DOCK3: variants seen among roughly 807,000 people sequenced by gnomAD.
DOCK3 encodes dedicator of cytokinesis 3, also known as dedicator of cytokinesis protein 3.
Under a neutral mutation model 265.6 loss-of-function variants are expected in DOCK3, and 60 were observed. The ratio of observed to expected loss-of-function variants is 0.23; its 90% CI spans 0.18 to 0.28. DOCK3 has a LOEUF of 0.28. Ranked by LOEUF, DOCK3 falls within the 10% of genes least tolerant of loss-of-function variation. The pLI, the probability that DOCK3 is intolerant of heterozygous loss-of-function variation, is 1.00. For synonymous variants in DOCK3, 881 were observed against 938.0 expected (o/e 0.94, Z 1.11); for missense variants, 1,981 against 2,594.3 (o/e 0.76, Z 5.14).
intron 4 of DOCK3, among the ~76,000 whole-genome samples, chr3:50,906,207 T>C (rs2049487026): frequency 6.6e-6 from 1 of 152,120 alleles, no homozygotes; most frequent in Non-Finnish European, 1.5e-5. Flanking sequence ...TCATCAGGAA[T>C]ATTGGTCTAA....
chr3:50,731,023 T>C (rs1384451756), intron 1 of DOCK3, among the ~76,000 whole-genome samples: 3 of 151,124 alleles, frequency 2.0e-5, no homozygotes, highest in East Asian at 3.9e-4. Context: ...TCCCAGCTAC[T>C]TGGGAGGCTG....
intron 5 of DOCK3, among the ~76,000 whole-genome samples, chr3:50,978,039 C>A (rs1457868695): frequency 2.0e-5 from 3 of 151,900 alleles, no homozygotes; most frequent in African/African-American, 4.8e-5. Context: ...CTAGTTATAC[C>A]TTCTTCTAAA....
intron 3 of DOCK3, among the ~76,000 whole-genome samples, chr3:50,884,087 ATTC>A (rs761267024): frequency 1.9e-4 from 28 of 147,502 alleles, no homozygotes; most frequent in Non-Finnish European, 2.7e-4. Flanking sequence ...AGTATATACC[ATTC>A]TTTTTTTTTT....
chr3:51,072,872 ATT>A (rs748566865), intron 6 of DOCK3, among the ~76,000 whole-genome samples: 159 of 138,678 alleles, frequency 1.1e-3, no homozygotes, highest in African/African-American at 2.8e-3. Flanking sequence ...AACCTGGCTA[ATT>A]TTTTTTTTTT....
At position 50,877,956 on chromosome 3, in the gene DOCK3, C is replaced by T. The variant is rs564868046; in HGVS notation, c.163-12070C>T. Among the ~76,000 whole-genome samples, 344 of 152,296 alleles carry T rather than the reference C, an allele frequency of 2.3e-3. 2 individuals carry two copies. The highest frequency in any genetic ancestry group is 5.2e-3 in the South Asian group (25 of 4,822). ...GGAAGGATCAGGCAGCAACATTTGC[C>T]GTTCTGCAATATTTGCTGTTCTGCA... On this transcript the variant is annotated intron_variant, in intron 3 of 52. Transcript: ENST00000266037.
Position 51,341,243 on chromosome 3 carries a change from C to T in DOCK3, c.3773C>T (p.Ala1258Val). 1 of 1,580,570 alleles carries T rather than the reference C, an allele frequency of 6.3e-7. No individual in the cohort carries two copies. The highest frequency in any genetic ancestry group is 8.6e-7 in the Non-Finnish European group (1 of 1,162,720). ...ATGCTGTCTGTCCCCACAGAGGCCG[C>T]ATTTACCCTGCTCCTTTACTGTGAG... is the stretch of plus-strand genomic sequence containing the variant. ...HLQAENYTEA[A>V]FTLLLYCELL... Residue 1258 changes from alanine to valine, a missense_variant, in exon 38 of 53, where the codon GCA becomes GTA. Physicochemically the swap from Ala to Val is moderately conservative, Grantham distance 64. Transcript: ENST00000266037.
intron 5 of DOCK3, among the ~76,000 whole-genome samples, chr3:50,985,849 A>C (rs924011654): frequency 5.9e-5 from 9 of 151,760 alleles, no homozygotes; most frequent in South Asian, 4.1e-4. Flanking sequence ...AAATTAAATA[A>C]ATTTATTTAA....
intron 5 of DOCK3, among the ~76,000 whole-genome samples, chr3:51,041,755 CAGAT>C (rs1407731253): frequency 6.6e-6 from 1 of 152,150 alleles, no homozygotes; most frequent in Non-Finnish European, 1.5e-5. Context: ...TAGCTGTAAA[CAGAT>C]AGGCTGTCAT....
intron 1 of DOCK3, among the ~76,000 whole-genome samples, chr3:50,686,908 C>CAG (rs2034858023): frequency 2.2e-5 from 2 of 90,720 alleles, no homozygotes; most frequent in African/African-American, 4.8e-5. Context: ...GACTCCATCT[C>CAG]AAAAAAAAAA....
In DOCK3 at chr3:51,374,087, G is replaced by GT. The variant is rs2087897941; in HGVS notation, c.5294-380dup. 1.3e-5 allele frequency among the ~76,000 whole-genome samples: 2 copies of GT among 152,192 alleles called. No homozygotes were observed. Among genetic ancestry groups the GT allele is most frequent in the Non-Finnish European group, 2.9e-5 (2 of 68,028 alleles). Reference sequence around the variant, plus strand: ...GAGTGTCTCCATTGCAAGCTGGCCTGTTCCCATGCCTGGACCCCAGGAGAG... The same window carrying GT: ...GAGTGTCTCCATTGCAAGCTGGCCTGTTTCCCATGCCTGGACCCCAGGAGAG... On this transcript the variant is annotated intron_variant, in intron 49 of 52. Transcript: ENST00000266037. The surrounding 1 kb of genome is among the most constrained non-coding windows in gnomAD (Gnocchi z 4.8).
intron 1 of DOCK3, among the ~76,000 whole-genome samples, chr3:50,726,600 A>G (rs2037845583): frequency 6.6e-6 from 1 of 152,144 alleles, no homozygotes; most frequent in African/African-American, 2.4e-5. Context: ...CTAGGAGAGT[A>G]TTATTATTAT....
intron 5 of DOCK3, among the ~76,000 whole-genome samples, chr3:50,977,906 G>C (rs1279548042): frequency 6.6e-6 from 1 of 151,340 alleles, no homozygotes; most frequent in Non-Finnish European, 1.5e-5. Context: ...ATCTTCCATC[G>C]CTGATACCCT....
chr3:50,799,176 A>T (rs1250792642), intron 2 of DOCK3, among the ~76,000 whole-genome samples: 1 of 152,140 alleles, frequency 6.6e-6, no homozygotes, highest in Non-Finnish European at 1.5e-5. Flanking sequence ...CTTTTTGCCC[A>T]AGATTGCTTT....
At chr3:51,236,927 A>G (rs1158372828) in intron 20 of DOCK3, among the ~76,000 whole-genome samples, 1 of 152,202 alleles carries the variant, frequency 6.6e-6, no homozygotes, top group African/African-American at 2.4e-5. Context: ...CATTTTGCCT[A>G]ATATATCCAG....
At chr3:51,128,937 T>G (rs1297097087) in intron 9 of DOCK3, among the ~76,000 whole-genome samples, 2 of 152,140 alleles carry the variant, frequency 1.3e-5, no homozygotes, top group Admixed American at 6.5e-5. Context: ...GGTCATCCTA[T>G]CTACTTGATT....
At chr3:51,001,419 C>G (rs2078480882) in intron 5 of DOCK3, among the ~76,000 whole-genome samples, 1 of 152,154 alleles carries the variant, frequency 6.6e-6, no homozygotes, top group South Asian at 2.1e-4. Context: ...TTACCATAGA[C>G]TCTCCTGGTT....
At chr3:50,856,538 TG>T (rs1451307535) in intron 3 of DOCK3, among the ~76,000 whole-genome samples, 4 of 152,298 alleles carry the variant, frequency 2.6e-5, no homozygotes, top group African/African-American at 4.8e-5. Context: ...TGGGGTTATT[TG>T]TTTTTTTTCT....
At position 51,236,302 on chromosome 3, in the gene DOCK3, A is replaced by T. The variant is rs774861323; in HGVS notation, c.1918-43A>T. Reference sequence around the variant, plus strand: ...TTGATTTATGGAAGTTTGTGCGTGTAAGGTCCTGAGACCTGAGCCCTCTGC... The same window carrying T: ...TTGATTTATGGAAGTTTGTGCGTGTTAGGTCCTGAGACCTGAGCCCTCTGC... On this transcript the variant is annotated intron_variant, in intron 19 of 52. Transcript: ENST00000266037. 4.8e-6 allele frequency: 7 copies of T among 1,445,420 alleles called. No homozygotes were observed. The Admixed American group carries it at 5.1e-5, about 10-fold the overall frequency. The allele number at this position is 1,445,420 out of a possible 1,614,324, so 89.5% of individuals were successfully genotyped here. A position where few individuals can be genotyped will look rare whatever the true frequency, so the allele number is the denominator to read the frequency against.
intron 10 of DOCK3, among the ~76,000 whole-genome samples, chr3:51,151,302 C>T (rs1258981655): frequency 6.6e-6 from 1 of 151,994 alleles, no homozygotes; most frequent in East Asian, 1.9e-4. Context: ...GGGCATTTAG[C>T]CCATTTACAT....
Sources: gnomAD v4.1 joint callset for allele counts (sites outside exome capture counted in the v4.1 genomes callset) on GRCh38, gnomAD v4.1.1 for gene constraint, Gnocchi (gnomAD v3.1) non-coding constraint, MANE v1.5 for transcripts, NCBI Gene and HGNC (gene_info 2026-07-23, HGNC 2026-07-21) for gene names.